Variants in MYO3B observed in about 807,000 individuals in gnomAD.
MYO3B encodes the protein myosin-IIIb.
A neutral mutation model predicts 174.6 loss-of-function variants in MYO3B; 156 were observed. The observed-to-expected ratio is 0.89, with a 90% CI of 0.78 to 1.02. The LOEUF is 1.02. Among genes scored for constraint, MYO3B ranks in the 50% least tolerant of loss-of-function variants. The pLI is 0.00. For synonymous variants in MYO3B, 563 were observed against 569.1 expected, an observed-to-expected ratio of 0.99 and a Z score of 0.15; for missense variants, 1,632 against 1,639.4, an observed-to-expected ratio of 1.00 and a Z score of 0.08.
In MYO3B at chr2:170,402,910, G is replaced by A; in HGVS notation, c.2192G>A (p.Arg731Lys). 1 of 1,612,124 alleles carries A rather than the reference G, an allele frequency of 6.2e-7. No individual in the cohort carries two copies. The highest frequency in any genetic ancestry group is 8.5e-7 in the Non-Finnish European group (1 of 1,178,486). ...LDIFGFENFQRNSFEQLCINI... is the reference protein window; with the variant it reads ...LDIFGFENFQKNSFEQLCINI... ...ATCTTTGGATTCGAGAATTTTCAGA[G>A]AAATTCATTTGAGCAGCTCTGCATA... Residue 731 changes from arginine (R) to lysine (K), a missense_variant, in exon 19 of 35, where the codon AGA becomes AAA. Physicochemically the swap from Arg to Lys is conservative, Grantham distance 26. Transcript: ENST00000408978.
In MYO3B at chr2:170,602,017, T is replaced by C; in HGVS notation, c.3734-49611T>C. On this transcript the variant is annotated intron_variant, in intron 32 of 34. Transcript: ENST00000408978. ...GATATAGGTTTTCATTTCTCTTTCATAACGGTCTTTGTCCACCTTTGCCAT... is the reference window on the plus strand; with the variant it reads ...GATATAGGTTTTCATTTCTCTTTCACAACGGTCTTTGTCCACCTTTGCCAT... 4 of 911,814 alleles carry C rather than the reference T, an allele frequency of 4.4e-6. No homozygotes were observed. In the South Asian group the frequency reaches 5.2e-5, roughly 12 times the overall value. The allele number at this position is 911,814 out of a possible 1,614,324, so 56.5% of individuals were successfully genotyped here. A position where few individuals can be genotyped will look rare whatever the true frequency, so the allele number is the denominator to read the frequency against.
Position 170,652,109 on chromosome 2 carries a change from G to A in MYO3B, c.3842G>A (p.Gly1281Glu). ...EDTMYYNQLN[G>E]TLEYQGSKRK... ...GTGTGTTCTTGGCCCTCTCCACAGG[G>A]AACTCTAGAATATCAAGGGAGCAAG... Residue 1281 changes from glycine to glutamate, a missense_variant and splice_region_variant, in exon 34 of 35, where the codon GGA becomes GAA. Coordinates refer to ENST00000408978, the MANE Select transcript of MYO3B (RefSeq NM_138995.5). 6.2e-7 allele frequency: 1 copy of A among 1,613,778 alleles called. No homozygotes were observed. Among genetic ancestry groups the A allele is most frequent in the Non-Finnish European group, 8.5e-7 (1 of 1,179,942 alleles).
chr2:170,265,473 G>A (rs1457416060), intron 7 of MYO3B, among the ~76,000 whole-genome samples: 1 of 152,246 alleles, frequency 6.6e-6, no homozygotes, highest in African/African-American at 2.4e-5. Context: ...ACACTGCCAG[G>A]TACCCAATTC....
chr2:170,615,901 A>G (rs1419021588), intron 32 of MYO3B, among the ~76,000 whole-genome samples: 1 of 152,120 alleles, frequency 6.6e-6, no homozygotes, highest in Non-Finnish European at 1.5e-5. Flanking sequence ...ATGAGGTGAG[A>G]TGGTCACATG....
chr2:170,218,485 C>T (rs777541959), intron 6 of MYO3B, among the ~76,000 whole-genome samples: 15 of 152,276 alleles, frequency 9.9e-5, no homozygotes, highest in Admixed American at 6.5e-5. Context: ...TTTTATGAGA[C>T]AAATGATACT....
chr2:170,289,664 C>T (rs944975522), intron 7 of MYO3B, among the ~76,000 whole-genome samples: 4 of 151,466 alleles, frequency 2.6e-5, no homozygotes, highest in African/African-American at 7.3e-5. Flanking sequence ...TTTTCATTTC[C>T]TTGACGTTTT....
chr2:170,219,410 G>T (rs1436227586), intron 6 of MYO3B, among the ~76,000 whole-genome samples: 1 of 151,992 alleles, frequency 6.6e-6, no homozygotes, highest in African/African-American at 2.4e-5. Context: ...TTGGGAGGCC[G>T]ACGCAGGCAG....
intron 9 of MYO3B, among the ~76,000 whole-genome samples, chr2:170,381,315 AT>A (rs1278263693): frequency 6.6e-6 from 1 of 152,204 alleles, no homozygotes. Context: ...ATAATGTTTA[AT>A]GAAAAAAGTA....
intron 7 of MYO3B, among the ~76,000 whole-genome samples, chr2:170,278,975 G>C (rs138859960): frequency 8.2e-4 from 125 of 152,120 alleles, no homozygotes; most frequent in African/African-American, 3.0e-3. Context: ...TTTTATGGCA[G>C]AATAATATTC....
At chr2:170,377,905 G>T (rs1356459526) in intron 9 of MYO3B, among the ~76,000 whole-genome samples, 1 of 151,950 alleles carries the variant, frequency 6.6e-6, no homozygotes, top group East Asian at 1.9e-4. Flanking sequence ...TGGAATACTC[G>T]ATCCAAGTAG....
chr2:170,273,243 A>G (rs930990731), intron 7 of MYO3B, among the ~76,000 whole-genome samples: 1 of 152,128 alleles, frequency 6.6e-6, no homozygotes, highest in Non-Finnish European at 1.5e-5. Context: ...CCAAGCCTCA[A>G]CTGATAATTA....
At chr2:170,238,633 A>G (rs1268909566) in intron 7 of MYO3B, among the ~76,000 whole-genome samples, 1 of 151,586 alleles carries the variant, frequency 6.6e-6, no homozygotes, top group Non-Finnish European at 1.5e-5. Flanking sequence ...AATTGAGTAA[A>G]TTACCCAGTA....
chr2:170,544,142 G>A (rs1690315926), intron 32 of MYO3B, among the ~76,000 whole-genome samples, 154 bp downstream of exon 32: 1 of 152,240 alleles, frequency 6.6e-6, no homozygotes, highest in Non-Finnish European at 1.5e-5. Flanking sequence ...TGTAAAACTT[G>A]TATTAAAGGT....
At chr2:170,596,442 C>T (rs542499813) in intron 32 of MYO3B, among the ~76,000 whole-genome samples, 149 of 152,286 alleles carry the variant, frequency 9.8e-4, no homozygotes, top group Non-Finnish European at 1.8e-3. Context: ...CTGGCTTTTA[C>T]CTGAGTTTAT....
intron 12 of MYO3B, among the ~76,000 whole-genome samples, chr2:170,385,547 A>G (rs1255973757): frequency 1.3e-5 from 2 of 152,214 alleles, no homozygotes; most frequent in Non-Finnish European, 2.9e-5. Flanking sequence ...ATACCTAAAG[A>G]GCTCCTAGAA....
intron 7 of MYO3B, among the ~76,000 whole-genome samples, chr2:170,260,217 T>C (rs1270273926): frequency 6.6e-6 from 1 of 152,218 alleles, no homozygotes; most frequent in Non-Finnish European, 1.5e-5. Flanking sequence ...TTACTGGGTA[T>C]ATGCCCAAAG....
At chr2:170,341,869 G>A (rs1194869452) in intron 8 of MYO3B, among the ~76,000 whole-genome samples, 2 of 152,088 alleles carry the variant, frequency 1.3e-5, no homozygotes, top group Non-Finnish European at 2.9e-5. Context: ...CCAAGGGCCT[G>A]ATTTGATCTC....
intron 32 of MYO3B, among the ~76,000 whole-genome samples, chr2:170,611,993 T>A (rs961385300): frequency 1.3e-5 from 2 of 152,172 alleles, no homozygotes; most frequent in African/African-American, 4.8e-5. Context: ...CTAATGGATC[T>A]CCAGGCCAGT....
chr2:170,240,586 A>G (rs2093120012), intron 7 of MYO3B, among the ~76,000 whole-genome samples: 1 of 152,212 alleles, frequency 6.6e-6, no homozygotes, highest in African/African-American at 2.4e-5. Context: ...TCCTTAAATT[A>G]TATTATGTGT....
Sources: allele counts gnomAD v4.1 joint callset (sites outside exome capture counted in the v4.1 genomes callset), GRCh38; gene constraint gnomAD v4.1.1; transcripts MANE v1.5; gene names NCBI Gene and HGNC (gene_info 2026-07-23, HGNC 2026-07-21).